Variants in TUSC3 observed in about 807,000 individuals in gnomAD.
The protein encoded by TUSC3 is tumor suppressor candidate 3, also known as dolichyl-diphosphooligosaccharide--protein glycosyltransferase subunit TUSC3.
In TUSC3, 45 loss-of-function variants were observed where a neutral mutation model predicts 44.8. That is an observed-to-expected ratio of 1.00 (90% CI 0.79 to 1.29). TUSC3 has a LOEUF of 1.29. TUSC3 is among the 50% of genes most tolerant of loss of function. The probability of loss-of-function intolerance (pLI) is 0.00; values close to 1 mark genes in which losing one functional copy is unlikely to be tolerated. For synonymous variants in TUSC3, 212 were observed against 152.9 expected (o/e 1.39, Z -2.85); for missense variants, 519 against 437.9 (o/e 1.19, Z -1.65).
chr8:15,476,504 T>C (rs1386886326), intron 1 of TUSC3, among the ~76,000 whole-genome samples: 1 of 152,202 alleles, frequency 6.6e-6, no homozygotes, highest in Non-Finnish European at 1.5e-5. Flanking sequence ...CTCACTTATA[T>C]TTCTTAAACG....
At chr8:15,703,217 A>G (rs1809478812) in intron 6 of TUSC3, among the ~76,000 whole-genome samples, 1 of 152,168 alleles carries the variant, frequency 6.6e-6, no homozygotes, top group Admixed American at 6.6e-5. Context: ...AGGGGACATT[A>G]GTATAGGTAT....
the TUSC3 span, among the ~76,000 whole-genome samples, chr8:15,781,594 GAAAA>G: frequency 6.6e-6 from 1 of 151,176 alleles, no homozygotes; most frequent in African/African-American, 2.5e-5. Context: ...AATTCAGAAA[GAAAA>G]AAAGAAAATG....
chr8:15,762,856 T>C (rs376699077), intron 10 of TUSC3, among the ~76,000 whole-genome samples: 1 of 151,956 alleles, frequency 6.6e-6, no homozygotes, highest in Non-Finnish European at 1.5e-5. Flanking sequence ...ATCATGCGGA[T>C]TGAACAGCAA....
intron 1 of TUSC3, among the ~76,000 whole-genome samples, chr8:15,597,032 G>T (rs1804101894): frequency 6.6e-6 from 1 of 152,148 alleles, no homozygotes; most frequent in Admixed American, 6.6e-5. Context: ...AGCTGGGTCA[G>T]TTCAGCAGAA....
Position 15,725,603 on chromosome 8 carries a change from C to CTGATGATGA in TUSC3, c.799-5047_799-5039dup, listed in dbSNP as rs56849270. On this transcript the variant is annotated intron_variant, in intron 6 of 10. Transcript: ENST00000503731. ...GGAATCTCGTTTGAATCTTAGATGA[C>CTGATGATGA]TGATGATGATGATGATGATGATGAC... Among the ~76,000 whole-genome samples the CTGATGATGA allele has an allele frequency of 4.1e-3, 619 of 151,310 alleles. 6 individuals carry two copies. The highest frequency in any genetic ancestry group is 6.9e-3 in the Admixed American group (104 of 15,112).
intron 6 of TUSC3, among the ~76,000 whole-genome samples, chr8:15,680,234 T>C (rs1808365636): frequency 6.6e-6 from 1 of 152,056 alleles, no homozygotes; most frequent in South Asian, 2.1e-4. Context: ...TGGTTTTCCA[T>C]TTATTTGTGT....
Position 15,525,406 on chromosome 8 carries a change from A to G in TUSC3, n.189+41923A>G, listed in dbSNP as rs564367286. 8.3e-4 allele frequency among the ~76,000 whole-genome samples: 126 copies of G among 152,326 alleles called. 3 individuals are homozygous for G. In the Middle Eastern group the frequency reaches 0.024, roughly 29 times the overall value. On this transcript the variant is annotated intron_variant and non_coding_transcript_variant, in intron 2 of 5. Coordinates refer to the TUSC3 transcript ENST00000503191. ...CAAGTTTGGATTCTGTTAAATTCTA[A>G]CAAGCTTGTTTTAAATAAAAATGTT...
chr8:15,801,337 G>A, the TUSC3 span, among the ~76,000 whole-genome samples: 3 of 152,166 alleles, frequency 2.0e-5, no homozygotes, highest in Non-Finnish European at 4.4e-5. Context: ...GTATGGAGTT[G>A]AGGGGCTGTA....
intron 1 of TUSC3, among the ~76,000 whole-genome samples, chr8:15,563,685 C>CAAAAAAAAAAAAAAAAAAAAAAAAAAA (rs150368776): frequency 3.8e-5 from 3 of 79,962 alleles, no homozygotes; most frequent in African/African-American, 1.1e-4. Context: ...GCCTCCATCT[C>CAAAAAAAAAAAAAAAAAAAAAAAAAAA]AAAAAAAAAA....
At chr8:15,716,687 C>A (rs1810074055) in intron 6 of TUSC3, among the ~76,000 whole-genome samples, 1 of 151,970 alleles carries the variant, frequency 6.6e-6, no homozygotes, top group Admixed American at 6.6e-5. Flanking sequence ...TGTTAAGAAA[C>A]TTCATTTACA....
chr8:15,449,268 A>G, intron 1 of TUSC3, among the ~76,000 whole-genome samples: 1 of 152,180 alleles, frequency 6.6e-6, no homozygotes, highest in Non-Finnish European at 1.5e-5. Context: ...GAAAGAAGGA[A>G]TGGGCACATG....
chr8:15,472,743 AT>A (rs1425682300), intron 1 of TUSC3, among the ~76,000 whole-genome samples: 1 of 152,188 alleles, frequency 6.6e-6, no homozygotes, highest in Admixed American at 6.6e-5. Context: ...TATGGTGCCG[AT>A]AATTTACATT....
rs1812329805 is a variant in TUSC3 at position 15,766,493 on chromosome 8, C to T, written c.*2337C>T. The T allele has an allele frequency of 6.6e-6, 1 of 151,704 alleles. No homozygotes were observed. Among genetic ancestry groups the T allele is most frequent in the African/African-American group, 2.4e-5 (1 of 41,358 alleles). 9.4% of individuals were successfully genotyped at this position (151,704 alleles called of 1,614,324 possible). Reference sequence around the variant, plus strand: ...TCATAAAAATTGATTATATGTTTAACAATTGTTTTTCTACTACAGTGGAGA... The same window carrying T: ...TCATAAAAATTGATTATATGTTTAATAATTGTTTTTCTACTACAGTGGAGA... On this transcript the variant is annotated 3_prime_UTR_variant, in exon 11 of 11. Transcript: ENST00000503731.
At chr8:15,565,128 C>T (rs895021182) in intron 1 of TUSC3, among the ~76,000 whole-genome samples, 6 of 150,900 alleles carry the variant, frequency 4.0e-5, no homozygotes, top group Admixed American at 1.3e-4. Flanking sequence ...GTCAAGGTGT[C>T]TGCAGGTTTG....
At chr8:15,835,882 T>C in the TUSC3 span, among the ~76,000 whole-genome samples, 2 of 152,048 alleles carry the variant, frequency 1.3e-5, no homozygotes, top group South Asian at 2.1e-4. Context: ...GATATTGATG[T>C]ATTTTTGCAT....
chr8:15,467,544 T>G (rs183093666), intron 1 of TUSC3, among the ~76,000 whole-genome samples: 130 of 152,280 alleles, frequency 8.5e-4, no homozygotes, highest in African/African-American at 3.1e-3. Flanking sequence ...GAACTGCCAG[T>G]TTCATTGGGA....
chr8:15,771,248 AAAATACTCCTCAAATGG>A (rs1398302053), downstream of TUSC3, among the ~76,000 whole-genome samples: 15 of 152,190 alleles, frequency 9.9e-5, no homozygotes, highest in African/African-American at 3.4e-4. Context: ...AGCATGTTGG[AAAATACTCCTCAAATGG>A]AAATACTCCT....
intron 1 of TUSC3, among the ~76,000 whole-genome samples, chr8:15,619,388 C>T (rs1311938679): frequency 1.3e-5 from 2 of 152,182 alleles, no homozygotes; most frequent in South Asian, 4.1e-4. Flanking sequence ...TAATTGCTCT[C>T]TGCTCTTCCT....
the TUSC3 span, among the ~76,000 whole-genome samples, chr8:15,787,443 G>C: frequency 6.6e-6 from 1 of 152,104 alleles, no homozygotes; most frequent in East Asian, 1.9e-4. Flanking sequence ...ATTTATTCTT[G>C]ATTATTGTAT....
Sources: gnomAD v4.1 joint callset for allele counts (sites outside exome capture counted in the v4.1 genomes callset) on GRCh38, gnomAD v4.1.1 for gene constraint, MANE v1.5 for transcripts, NCBI Gene and HGNC (gene_info 2026-07-23, HGNC 2026-07-21) for gene names.